The following TPM4 variants were observed in gnomAD, a reference collection of about 807,000 sequenced individuals.
TPM4 encodes tropomyosin alpha-4 chain.
Under a neutral mutation model 35.8 loss-of-function variants are expected in TPM4, and 17 were observed. The observed-to-expected ratio is 0.47, with a 90% confidence interval of 0.32 to 0.71. The LOEUF (loss-of-function observed/expected upper bound fraction) is 0.71. TPM4 is among the 30% of genes least tolerant of loss of function. TPM4 has a pLI of 0.03. For missense variants in TPM4, 240 were observed against 320.9 expected, an observed-to-expected ratio of 0.75 and a Z score of 1.93; for synonymous variants, 120 against 122.9, an observed-to-expected ratio of 0.98 and a Z score of 0.15.
intron 2 of TPM4, among the ~76,000 whole-genome samples, chr19:16,084,933 CTTCTTTTCTT>C (rs369933362): frequency 1.3e-5 from 2 of 152,146 alleles, no homozygotes; most frequent in African/African-American, 2.4e-5. Context: ...AGGCTGGCCT[CTTCTTTTCTT>C]TTCTTTTCTT....
chr19:16,093,216 G>A, intron 5 of TPM4: 2 of 215,410 alleles, frequency 9.3e-6, no homozygotes, highest in East Asian at 1.1e-4. Flanking sequence ...GTTTTTTTGA[G>A]ATGGAGTCTT....
At chr19:16,078,165 GT>G (rs1268349650) in intron 1 of TPM4, 3 of 398,524 alleles carry the variant, frequency 7.5e-6, no homozygotes, top group Non-Finnish European at 1.3e-5. Flanking sequence ...CATTCCACGG[GT>G]TTTCTGTGCA....
At chr19:16,096,782 T>C (rs1335689823) in intron 7 of TPM4, among the ~76,000 whole-genome samples, 1 of 152,138 alleles carries the variant, frequency 6.6e-6, no homozygotes, top group African/African-American at 2.4e-5. Flanking sequence ...AATTCCAGAA[T>C]TGCCTGAGAC....
upstream of TPM4, chr19:16,075,938 C>A: frequency 7.0e-7 from 1 of 1,435,928 alleles, no homozygotes; most frequent in Non-Finnish European, 9.3e-7. Flanking sequence ...GAAACTGATG[C>A]CCAGAGAGAG....
chr19:16,100,818 C>G (rs1348739051), intron 7 of TPM4: 1 of 156,516 alleles, frequency 6.4e-6, no homozygotes, highest in Non-Finnish European at 1.4e-5. Context: ...GACCCTGTCT[C>G]AAAAAAAAAG....
chr19:16,099,659 T>C (rs949774142), intron 7 of TPM4: 1 of 151,996 alleles, frequency 6.6e-6, no homozygotes, highest in Non-Finnish European at 1.5e-5. Flanking sequence ...GCTGATGATA[T>C]CACATTTTAT....
At chr19:16,076,159 A>T (rs1390936051), upstream of TPM4, 1 of 1,561,830 alleles carries the variant, frequency 6.4e-7, no homozygotes, top group African/African-American at 1.4e-5. Context: ...CTCACGGAGA[A>T]GAAGGCCTCC....
intron 7 of TPM4, chr19:16,095,196 C>A: frequency 1.0e-6 from 1 of 987,378 alleles, no homozygotes; most frequent in Non-Finnish European, 1.2e-6. Context: ...CTGTGGCACT[C>A]CATTCCGACC....
At chr19:16,098,446 C>CA (rs143342456) in intron 7 of TPM4, among the ~76,000 whole-genome samples, 10,586 of 148,482 alleles carry the variant, frequency 0.071, 429 homozygotes, top group African/African-American at 0.095. Flanking sequence ...GACTCCGCCT[C>CA]AAAAAAAAAG....
At chr19:16,076,327 T>A (rs2090404685), upstream of TPM4, 8 of 1,497,092 alleles carry the variant, frequency 5.3e-6, no homozygotes, top group South Asian at 1.1e-4. Context: ...AGGGGCACTT[T>A]CCAGCAGCTG....
chr19:16,095,761 T>C (rs2090688717), intron 7 of TPM4: 2 of 243,580 alleles, frequency 8.2e-6, no homozygotes, highest in Non-Finnish European at 1.3e-5. Flanking sequence ...TTTTTGTTTT[T>C]TTGTTTTGAG....
In TPM4 at chr19:16,076,686, C is replaced by A. The variant is rs1296911257; in HGVS notation, c.121C>A (p.Arg41=). Residue 41 remains arginine, a synonymous_variant, in exon 1 of 8, where the codon CGG becomes AGG. Transcript: ENST00000643579. The part of the protein sequence containing the change: ...LQRELDGERE[R]REKAEGDVAA... ...GCGGGAGCTGGACGGCGAGCGCGAG[C>A]GGCGCGAGAAAGTGAGCGCCCCGGC... The A allele has an allele frequency of 3.7e-6, 5 of 1,364,710 alleles. No homozygotes were observed. Among genetic ancestry groups the A allele is most frequent in the Non-Finnish European group, 4.7e-6 (5 of 1,059,960 alleles). The allele number at this position is 1,364,710 out of a possible 1,614,324, so 84.5% of individuals were successfully genotyped here. A position where few individuals can be genotyped will look rare whatever the true frequency, so the allele number is the denominator to read the frequency against.
upstream of TPM4, among the ~76,000 whole-genome samples, chr19:16,074,089 G>A (rs2090382189): frequency 6.6e-6 from 1 of 151,388 alleles, no homozygotes; most frequent in East Asian, 1.9e-4. Context: ...CCACTCAGGG[G>A]TGAGCACGTA....
upstream of TPM4, among the ~76,000 whole-genome samples, chr19:16,072,906 C>CA (rs1255857988): frequency 1.3e-5 from 2 of 152,108 alleles, no homozygotes; most frequent in Admixed American, 6.5e-5. Flanking sequence ...GACTCTGTCT[C>CA]AAAAAATATA....
At position 16,102,292 on chromosome 19, in the gene TPM4, T is replaced by C. The variant is rs755461864; in HGVS notation, c.*946T>C. 2 of 194,066 alleles carry C rather than the reference T, an allele frequency of 1.0e-5. No individual in the cohort carries two copies. The highest frequency in any genetic ancestry group is 2.1e-5 in the Non-Finnish European group (2 of 93,180). 12.0% of individuals were successfully genotyped at this position (194,066 alleles called of 1,614,324 possible). On this transcript the variant is annotated 3_prime_UTR_variant, in exon 8 of 8. Transcript: ENST00000643579. ...AAGTGGAGACTGCAGTGAGCCGATA[T>C]CGCACCACAGCGCTCCAGCCTGGTC...
At chr19:16,090,682 C>T (rs2090616045) in intron 5 of TPM4, among the ~76,000 whole-genome samples, 3 of 152,126 alleles carry the variant, frequency 2.0e-5, no homozygotes, top group Non-Finnish European at 4.4e-5. Context: ...TGATTTCTTA[C>T]ATTTATTATA....
chr19:16,075,715 G>A (rs935640171), upstream of TPM4: 9 of 243,000 alleles, frequency 3.7e-5, no homozygotes, highest in Admixed American at 1.1e-4. Context: ...TCATGGTGAG[G>A]CTGCACCTCT....
In TPM4 at chr19:16,101,417, G is replaced by T; in HGVS notation, c.*71G>T. On this transcript the variant is annotated 3_prime_UTR_variant, in exon 8 of 8. Coordinates refer to ENST00000643579, the MANE Select transcript of TPM4 (RefSeq NM_003290.3). ...GGGTCTTTCTCTTCTCTTGTAAGAA[G>T]TTCCTTTTGTTATTGCCATCTTCGC... 2.6e-6 allele frequency: 3 copies of T among 1,175,006 alleles called. No individual in the cohort carries two copies. The highest frequency in any genetic ancestry group is 3.5e-6 in the Non-Finnish European group (3 of 849,360). 72.8% of individuals were successfully genotyped at this position (1,175,006 alleles called of 1,614,324 possible). A position where few individuals can be genotyped will look rare whatever the true frequency, so the allele number is the denominator to read the frequency against.
In TPM4 at chr19:16,080,056, T is replaced by C. The variant is rs369800507; in HGVS notation, c.133-1857T>C. The C allele has an allele frequency of 2.8e-3, 528 of 187,392 alleles. 3 individuals are homozygous for C. Among genetic ancestry groups the C allele is most frequent in the African/African-American group, 0.011 (477 of 42,762 alleles). 11.6% of individuals were successfully genotyped at this position (187,392 alleles called of 1,614,324 possible). ...TTCAGGGATTCTTCATTTGTTCTGA[T>C]AGGAAAAAGCTAGCGTGGCTTCCCT... On this transcript the variant is annotated intron_variant, in intron 1 of 7. Transcript: ENST00000643579.
Sources: gnomAD v4.1 joint callset for allele counts (sites outside exome capture counted in the v4.1 genomes callset) on GRCh38, gnomAD v4.1.1 for gene constraint, MANE v1.5 for transcripts, NCBI Gene and HGNC (gene_info 2026-07-23, HGNC 2026-07-21) for gene names.